NIM1K: variants seen among roughly 807,000 people sequenced by gnomAD.
The protein encoded by NIM1K is serine/threonine-protein kinase NIM1.
A neutral mutation model predicts 37.1 loss-of-function variants in NIM1K; 35 were observed. The ratio of observed to expected loss-of-function variants is 0.94; its 90% CI spans 0.72 to 1.25. NIM1K has a LOEUF of 1.25. NIM1K is among the 50% of genes most tolerant of loss of function. The pLI is 0.00. For synonymous variants in NIM1K, 234 were observed against 206.6 expected (o/e 1.13, Z -1.14); for missense variants, 564 against 548.0 (o/e 1.03, Z -0.29).
At chr5:43,232,919 G>A in intron 1 of NIM1K, 1 of 1,156,998 alleles carries the variant, frequency 8.6e-7, no homozygotes, top group Non-Finnish European at 1.3e-6. Flanking sequence ...TGGAAGAGCT[G>A]GTTGTAGGTG....
In NIM1K at chr5:43,213,192, TCTTTCTTTCTTTCTTTCTTTCTTTC is replaced by T. The variant is rs1752233130; in HGVS notation, c.-695+20782_-695+20806del. 3.3e-5 allele frequency among the ~76,000 whole-genome samples: 3 copies of T among 89,988 alleles called. 1 individual carries two copies. Among genetic ancestry groups the T allele is most frequent in the African/African-American group, 1.3e-4 (3 of 23,524 alleles). The allele number at this position is 89,988 out of a possible 152,430, so 59.0% of individuals were successfully genotyped here. On this transcript the variant is annotated intron_variant, in intron 1 of 3. Coordinates refer to ENST00000326035, the MANE Select transcript of NIM1K (RefSeq NM_153361.4). ...TTCTTTCTTTCTTTCTTTCTTTCTT[TCTTTCTTTCTTTCTTTCTTTCTTTC>T]TTTCTTTCCTTCTTTTCTTCCTTTC...
At chr5:43,224,666 A>G (rs1024994574) in intron 1 of NIM1K, among the ~76,000 whole-genome samples, 1 of 151,470 alleles carries the variant, frequency 6.6e-6, no homozygotes, top group African/African-American at 2.4e-5. Context: ...TGCCCTGAAA[A>G]TACATTCTGA....
chr5:43,238,133 C>G (rs1752647165), intron 1 of NIM1K, among the ~76,000 whole-genome samples: 1 of 150,174 alleles, frequency 6.7e-6, no homozygotes, highest in Non-Finnish European at 1.5e-5. Context: ...AACTCTGCCT[C>G]ACGGGTTCAC....
At chr5:43,277,405 A>ACACTTGAGGGTT in intron 3 of NIM1K, 80 bp downstream of exon 3, 1 of 1,461,840 alleles carries the variant, frequency 6.8e-7, no homozygotes, top group Non-Finnish European at 9.3e-7. Flanking sequence ...ACTAACCCTC[A>ACACTTGAGGGTT]AGTGTCCCAG....
intron 2 of NIM1K, among the ~76,000 whole-genome samples, chr5:43,269,850 C>T (rs1753228895): frequency 6.6e-6 from 1 of 152,062 alleles, no homozygotes; most frequent in Non-Finnish European, 1.5e-5. Context: ...GATCTCCTGA[C>T]CTCGTGATCC....
chr5:43,272,702 G>C (rs777522228), intron 2 of NIM1K, among the ~76,000 whole-genome samples: 1 of 152,038 alleles, frequency 6.6e-6, no homozygotes, highest in Non-Finnish European at 1.5e-5. Flanking sequence ...GACGTATTTT[G>C]CTTGGTCTAA....
intron 2 of NIM1K, among the ~76,000 whole-genome samples, chr5:43,260,025 C>T (rs567738876): frequency 2.0e-5 from 3 of 152,146 alleles, no homozygotes; most frequent in South Asian, 4.2e-4. Flanking sequence ...GCAACATTTA[C>T]TAAATAGGGT....
intron 1 of NIM1K, among the ~76,000 whole-genome samples, chr5:43,197,407 A>G (rs1470259052): frequency 6.6e-6 from 1 of 152,104 alleles, no homozygotes; most frequent in Non-Finnish European, 1.5e-5. Context: ...GGCCTCCCAA[A>G]GTGCTGGGAT....
intron 1 of NIM1K, among the ~76,000 whole-genome samples, chr5:43,201,802 T>C (rs1211007270): frequency 6.6e-6 from 1 of 151,470 alleles, no homozygotes; most frequent in Non-Finnish European, 1.5e-5. Flanking sequence ...GTACTAAAAA[T>C]ACAAAAATTA....
intron 1 of NIM1K, among the ~76,000 whole-genome samples, chr5:43,227,516 C>G (rs891858798): frequency 1.3e-5 from 2 of 152,208 alleles, no homozygotes; most frequent in Non-Finnish European, 2.9e-5. Flanking sequence ...TCCAACCCGT[C>G]TTCCATATCC....
At chr5:43,259,742 T>C (rs1286968950) in intron 2 of NIM1K, among the ~76,000 whole-genome samples, 1 of 152,204 alleles carries the variant, frequency 6.6e-6, no homozygotes, top group Non-Finnish European at 1.5e-5. Context: ...GATTGCCTGT[T>C]TGCTTTGATG....
At chr5:43,260,108 A>G (rs61051802) in intron 2 of NIM1K, among the ~76,000 whole-genome samples, 4,498 of 152,178 alleles carry the variant, frequency 0.03, 246 homozygotes, top group African/African-American at 0.1. Context: ...AAAAAGAGAA[A>G]AATCTACGAG....
intron 3 of NIM1K, 69 bp from the exon 4 acceptor site, chr5:43,279,911 G>T: frequency 8.0e-7 from 1 of 1,251,272 alleles, no homozygotes; most frequent in Non-Finnish European, 1.1e-6. Flanking sequence ...CTGTTTCAGA[G>T]CAACTGATAC....
intron 1 of NIM1K, among the ~76,000 whole-genome samples, chr5:43,211,607 G>A (rs1475768570): frequency 6.6e-5 from 10 of 152,222 alleles, no homozygotes. Context: ...GAGACCTCAA[G>A]TACTTGGAGA....
At chr5:43,232,177 A>G (rs1177435015) in intron 1 of NIM1K, 17 of 982,544 alleles carry the variant, frequency 1.7e-5, no homozygotes, top group Non-Finnish European at 2.7e-5. Flanking sequence ...TGATGGTGGC[A>G]ATGGCAGCAT....
At chr5:43,263,113 T>C (rs1197504108) in intron 2 of NIM1K, among the ~76,000 whole-genome samples, 2 of 152,234 alleles carry the variant, frequency 1.3e-5, no homozygotes, top group Non-Finnish European at 2.9e-5. Context: ...ATTAGGATGT[T>C]GCTGGCCTCA....
At chr5:43,260,519 A>C (rs984964439) in intron 2 of NIM1K, among the ~76,000 whole-genome samples, 1 of 152,096 alleles carries the variant, frequency 6.6e-6, no homozygotes, top group East Asian at 1.9e-4. Flanking sequence ...TGCATCTATT[A>C]AGATGATCAT....
At chr5:43,236,593 G>T (rs1486767566) in intron 1 of NIM1K, among the ~76,000 whole-genome samples, 1 of 152,232 alleles carries the variant, frequency 6.6e-6, no homozygotes. Flanking sequence ...CTGAGCAAGG[G>T]CTGCCTCACC....
At chr5:43,266,652 C>T (rs879823825) in intron 2 of NIM1K, among the ~76,000 whole-genome samples, 67 of 152,192 alleles carry the variant, frequency 4.4e-4, no homozygotes, top group Non-Finnish European at 9.0e-4. Flanking sequence ...GCGATGAACG[C>T]GGTACCTCAG....
Sources: gnomAD v4.1 joint callset for allele counts (sites outside exome capture counted in the v4.1 genomes callset) on GRCh38, gnomAD v4.1.1 for gene constraint, MANE v1.5 for transcripts, NCBI Gene and HGNC (gene_info 2026-07-23, HGNC 2026-07-21) for gene names.